CLDN2: variants seen among roughly 807,000 people sequenced by gnomAD.
The protein encoded by CLDN2 is claudin-2.
Under a neutral mutation model 8.2 loss-of-function variants are expected in CLDN2, and 1 was observed. The ratio of observed to expected loss-of-function variants is 0.12; its 90% CI spans 0.04 to 0.58. The LOEUF (loss-of-function observed/expected upper bound fraction) is 0.58. Ranked by LOEUF, CLDN2 falls within the 20% of genes least tolerant of loss-of-function variation. The pLI, the probability that CLDN2 is intolerant of heterozygous loss-of-function variation, is 0.90. For missense variants in CLDN2, 108 were observed against 172.9 expected (o/e 0.62, Z 2.11); for synonymous variants, 70 against 70.2 (o/e 1.00, Z 0.01).
At chrX:106,917,791 A>G (rs1219605409), upstream of CLDN2, among the ~76,000 whole-genome samples, 1 of 110,801 alleles carries the variant, frequency 9.0e-6, no homozygotes, top group African/African-American at 3.3e-5. Context: ...TTGTCTCCTG[A>G]ACTAAATGCT....
chrX:106,913,679 T>C (rs758463605), upstream of CLDN2, among the ~76,000 whole-genome samples: 11 of 111,428 alleles, frequency 9.9e-5, no homozygotes, highest in African/African-American at 2.3e-4. Context: ...AAGGCTGAGA[T>C]GAAGTGGTTA....
intron 1 of CLDN2, chrX:106,902,286 A>T (rs1384982696): frequency 1.7e-5 from 16 of 925,435 alleles, no homozygotes; most frequent in Admixed American, 1.6e-4. Context: ...ATAACAAGAG[A>T]CCTCCCAAAA....
intron 1 of CLDN2, chrX:106,903,040 G>C: frequency 3.0e-6 from 3 of 1,002,023 alleles, no homozygotes; most frequent in Non-Finnish European, 4.2e-6. Flanking sequence ...CCCCTTCACA[G>C]AGAACAGGGT....
At chrX:106,923,073 C>A (rs1314313669) in intron 1 of CLDN2, among the ~76,000 whole-genome samples, 1 of 108,843 alleles carries the variant, frequency 9.2e-6, no homozygotes, top group East Asian at 2.9e-4. Context: ...CCTCCCGGTT[C>A]CAGCGATTCT....
At chrX:106,906,014 T>G (rs2147787345) in intron 1 of CLDN2, among the ~76,000 whole-genome samples, 1 of 112,271 alleles carries the variant, frequency 8.9e-6, no homozygotes, top group Non-Finnish European at 1.9e-5. Flanking sequence ...TTGTGGGACA[T>G]GAAGCCGCTG....
At chrX:106,924,742 T>TTA (rs1221876250) in intron 1 of CLDN2, among the ~76,000 whole-genome samples, 5 of 106,969 alleles carry the variant, frequency 4.7e-5, no homozygotes, top group African/African-American at 1.7e-4. Context: ...ATAATATACA[T>TTA]TATATATATA....
chrX:106,928,291 A>G lies in CLDN2; in HGVS notation c.63A>G (p.Thr21=). ...YILGLLGLLG[T]LVAMLLPSWK... Reference sequence around the variant, plus strand: ...TAGGCCTTCTGGGGCTTTTGGGCACACTGGTTGCCATGCTGCTCCCCAGCT... The same window carrying G: ...TAGGCCTTCTGGGGCTTTTGGGCACGCTGGTTGCCATGCTGCTCCCCAGCT... The change falls in exon 2 of 2, where the codon ACA becomes ACG. Residue 21 remains threonine, a synonymous_variant. Coordinates refer to ENST00000336803, the MANE Select transcript of CLDN2 (RefSeq NM_020384.4). 8.3e-7 allele frequency: 1 copy of G among 1,211,981 alleles called. No homozygotes were observed. The highest frequency in any genetic ancestry group is 1.1e-6 in the Non-Finnish European group (1 of 895,491).
At chrX:106,909,975 G>A (rs1247445605) in intron 1 of CLDN2, among the ~76,000 whole-genome samples, 1 of 111,253 alleles carries the variant, frequency 9.0e-6, no homozygotes, top group Non-Finnish European at 1.9e-5. Flanking sequence ...GCAGGAGGGA[G>A]GTGTTTGGAA....
intron 1 of CLDN2, among the ~76,000 whole-genome samples, chrX:106,910,859 G>A (rs111561783): frequency 0.023 from 2,565 of 111,875 alleles, 72 homozygotes; most frequent in African/African-American, 0.079. Context: ...TTTTGCAGTC[G>A]ATCTTAACGT....
chrX:106,907,616 G>T (rs2147787826), intron 1 of CLDN2, among the ~76,000 whole-genome samples: 1 of 109,435 alleles, frequency 9.1e-6, no homozygotes. Context: ...CAGGAGAATT[G>T]CTTGAACCCA....
At chrX:106,925,745 A>C (rs767572932) in intron 1 of CLDN2, among the ~76,000 whole-genome samples, 18 of 112,615 alleles carry the variant, frequency 1.6e-4, no homozygotes, top group Non-Finnish European at 3.0e-4. Flanking sequence ...GGTGGCTCAC[A>C]CCTGTAATCC....
intron 1 of CLDN2, among the ~76,000 whole-genome samples, chrX:106,912,771 A>G (rs1029098270): frequency 4.5e-5 from 5 of 110,812 alleles, no homozygotes; most frequent in Non-Finnish European, 9.4e-5. Context: ...GTATTTTGTT[A>G]AAAATGGACA....
Position 106,929,133 on chromosome X carries a change from G to A in CLDN2, c.*212G>A, listed in dbSNP as rs1030639588. 5 of 429,262 alleles carry A rather than the reference G, an allele frequency of 1.2e-5. No homozygotes were observed. In the African/African-American group the frequency reaches 1.2e-4, roughly 11 times the overall value. The allele number at this position is 429,262 out of a possible 1,213,427, so 35.4% of individuals were successfully genotyped here. ...ATTGCCAAGGATGCTCGCCATGCCA[G>A]CCTTTCTGTTTTCCTCACCTTGCTG... On this transcript the variant is annotated 3_prime_UTR_variant, in exon 2 of 2. Coordinates refer to ENST00000336803, the MANE Select transcript of CLDN2 (RefSeq NM_020384.4).
At chrX:106,918,699 G>A (rs975309865), upstream of CLDN2, among the ~76,000 whole-genome samples, 2 of 112,116 alleles carry the variant, frequency 1.8e-5, no homozygotes, top group African/African-American at 6.5e-5. Flanking sequence ...CTGGCACCTA[G>A]CAAGTGTTCA....
At chrX:106,920,374 A>G (rs1329956093), upstream of CLDN2, 1 of 108,262 alleles carries the variant, frequency 9.2e-6, no homozygotes, top group Non-Finnish European at 1.9e-5. Context: ...CTGATCTGTA[A>G]TAAGTCTCTG....
rs538529205 is a variant in CLDN2 at position 106,924,595 on chromosome X, G to A, written c.-178-3456G>A. Among the ~76,000 whole-genome samples, 41 of 110,352 alleles carry A rather than the reference G, an allele frequency of 3.7e-4. 1 individual carries two copies. In the South Asian group the frequency reaches 0.016, roughly 42 times the overall value. ...TTGGTGTTTCCAATGCTGATGAATC[G>A]TATTGACTATCAATCATGTGCCCAA... is the stretch of plus-strand genomic sequence containing the variant. On this transcript the variant is annotated intron_variant, in intron 1 of 1. Transcript: ENST00000336803.
Sources: allele counts gnomAD v4.1 joint callset (sites outside exome capture counted in the v4.1 genomes callset), GRCh38; gene constraint gnomAD v4.1.1; transcripts MANE v1.5; gene names NCBI Gene and HGNC (gene_info 2026-07-23, HGNC 2026-07-21).